Variants in FAM13A observed in about 807,000 individuals in gnomAD.
The protein encoded by FAM13A is family with sequence similarity 13 member A.
Under a neutral mutation model 129.6 loss-of-function variants are expected in FAM13A, and 76 were observed. That is an observed-to-expected ratio of 0.59 (90% CI 0.49 to 0.71). FAM13A has a LOEUF of 0.71. FAM13A is among the 30% of genes least tolerant of loss of function. The probability of loss-of-function intolerance (pLI) is 0.00; values close to 1 mark genes in which losing one functional copy is unlikely to be tolerated. For missense variants in FAM13A, 1,108 were observed against 1,249.3 expected (o/e 0.89, Z 1.70); for synonymous variants, 443 against 449.9 (o/e 0.98, Z 0.20).
At chr4:88,928,872 A>C (rs1456877321) in intron 5 of FAM13A, among the ~76,000 whole-genome samples, 10 of 151,828 alleles carry the variant, frequency 6.6e-5, no homozygotes, top group Non-Finnish European at 1.5e-4. Flanking sequence ...TTGTTTTATA[A>C]ATTCTTTGTT....
chr4:88,900,501 T>G (rs1747112905), intron 6 of FAM13A, among the ~76,000 whole-genome samples: 1 of 151,952 alleles, frequency 6.6e-6, no homozygotes, highest in South Asian at 2.1e-4. Context: ...TTCAACATTC[T>G]TAAAAAAAAG....
At chr4:89,049,785 T>C (rs1359072849) in intron 1 of FAM13A, among the ~76,000 whole-genome samples, 1 of 152,290 alleles carries the variant, frequency 6.6e-6, no homozygotes, top group Non-Finnish European at 1.5e-5. Context: ...GCTTCCCAAG[T>C]AGCTGGACTT....
Position 89,020,460 on chromosome 4 carries a change from C to G in FAM13A, c.427G>C (p.Asp143His), listed in dbSNP as rs1767112564. Residue 143 changes from aspartate to histidine, a missense_variant and splice_region_variant, in exon 3 of 24, where the codon GAT becomes CAT. Transcript: ENST00000264344. ...TCCTAAAAGGATTTATTGTACTAAC[C>G]CTGAAAGAGTTGAATGAATCGAGGC... is the stretch of plus-strand genomic sequence containing the variant. ...LQPRFIQLFQ[D>H]GRNDVQESSL... 1 of 1,611,344 alleles carries G rather than the reference C, an allele frequency of 6.2e-7. No individual in the cohort carries two copies. The highest frequency in any genetic ancestry group is 8.5e-7 in the Non-Finnish European group (1 of 1,177,886).
chr4:89,000,038 C>G (rs1293416187), intron 3 of FAM13A, among the ~76,000 whole-genome samples: 2 of 152,194 alleles, frequency 1.3e-5, no homozygotes, highest in Non-Finnish European at 2.9e-5. Flanking sequence ...TCACCCAGCT[C>G]ACAATTAATT....
At chr4:88,751,157 G>T (rs1208606585) in intron 14 of FAM13A, among the ~76,000 whole-genome samples, 1 of 152,180 alleles carries the variant, frequency 6.6e-6, no homozygotes, top group Non-Finnish European at 1.5e-5. Context: ...CACGAGAATT[G>T]CTTGAACCCA....
At chr4:88,893,469 A>C (rs1455349109) in intron 6 of FAM13A, among the ~76,000 whole-genome samples, 1 of 152,124 alleles carries the variant, frequency 6.6e-6, no homozygotes, top group Non-Finnish European at 1.5e-5. Flanking sequence ...TAAAAATACA[A>C]AAAATTAGCT....
intron 7 of FAM13A, among the ~76,000 whole-genome samples, chr4:88,837,554 A>G (rs1735031824): frequency 6.6e-6 from 1 of 151,356 alleles, no homozygotes; most frequent in African/African-American, 2.4e-5. Flanking sequence ...CGTCTGTACT[A>G]AAAATACAAA....
At chr4:89,006,956 T>G (rs1191273578) in intron 3 of FAM13A, among the ~76,000 whole-genome samples, 3 of 152,156 alleles carry the variant, frequency 2.0e-5, no homozygotes, top group South Asian at 2.1e-4. Flanking sequence ...CCAGCTGAGG[T>G]CTGGGGTTCA....
intron 4 of FAM13A, among the ~76,000 whole-genome samples, chr4:88,981,490 A>C (rs1761660919): frequency 6.6e-6 from 1 of 152,186 alleles, no homozygotes. Context: ...TAAAGTATAA[A>C]ATCTCTCACC....
At chr4:88,731,886 C>T in intron 22 of FAM13A, 116 bp downstream of exon 22, 1 of 821,776 alleles carries the variant, frequency 1.2e-6, no homozygotes, top group Non-Finnish European at 1.9e-6. Flanking sequence ...TCCAGATACA[C>T]CCCAGGTAGT....
At chr4:88,936,410 G>A (rs752175810) in intron 5 of FAM13A, 1 of 152,276 alleles carries the variant, frequency 6.6e-6, no homozygotes, top group Admixed American at 6.5e-5. Flanking sequence ...ATCACATGGC[G>A]AGAGTGGGAG....
Position 88,920,206 on chromosome 4 carries a change from C to T in FAM13A, c.760-13744G>A, listed in dbSNP as rs538053597. Among the ~76,000 whole-genome samples the T allele has an allele frequency of 1.3e-3, 200 of 152,276 alleles. 2 individuals are homozygous for T. The highest frequency in any genetic ancestry group is 4.3e-3 in the African/African-American group (178 of 41,562). On this transcript the variant is annotated intron_variant, in intron 5 of 23. Transcript: ENST00000264344. ...GCTTTGAAGAGAGCAGTGGTTCTCC[C>T]AGCACGGAGCTGGAGATCTGAGAAC... is the stretch of plus-strand genomic sequence containing the variant.
chr4:88,886,462 C>T (rs75106620), intron 6 of FAM13A, among the ~76,000 whole-genome samples: 7,317 of 151,802 alleles, frequency 0.048, 388 homozygotes, highest in East Asian at 0.26. Flanking sequence ...GTGGCATGCA[C>T]CTGTAGTCCC....
At chr4:88,904,422 G>A (rs972914244) in intron 6 of FAM13A, among the ~76,000 whole-genome samples, 2 of 152,084 alleles carry the variant, frequency 1.3e-5, no homozygotes, top group Admixed American at 1.3e-4. Context: ...ATACACCATG[G>A]AATACTATGC....
chr4:89,037,917 T>C (rs557325419), intron 1 of FAM13A, among the ~76,000 whole-genome samples: 88 of 152,320 alleles, frequency 5.8e-4, no homozygotes, highest in Middle Eastern at 3.4e-3. Flanking sequence ...CACAATTCCT[T>C]ACAGCCTGTG....
At chr4:88,949,295 C>T (rs1756524139) in intron 4 of FAM13A, among the ~76,000 whole-genome samples, 1 of 152,102 alleles carries the variant, frequency 6.6e-6, no homozygotes, top group Non-Finnish European at 1.5e-5. Context: ...ATTGTTCACC[C>T]AAGCCCGAAT....
intron 6 of FAM13A, among the ~76,000 whole-genome samples, chr4:88,878,151 G>T (rs1238708267): frequency 6.6e-6 from 1 of 151,894 alleles, no homozygotes; most frequent in African/African-American, 2.4e-5. Flanking sequence ...TTAGCCAGGC[G>T]TGGTGGCGGG....
intron 7 of FAM13A, among the ~76,000 whole-genome samples, chr4:88,817,238 T>C (rs1242900102): frequency 6.6e-6 from 1 of 152,214 alleles, no homozygotes; most frequent in Non-Finnish European, 1.5e-5. Flanking sequence ...TTGTATGATA[T>C]GTGAATTATA....
chr4:88,962,878 TA>T (rs749856633), intron 4 of FAM13A, among the ~76,000 whole-genome samples: 1 of 152,176 alleles, frequency 6.6e-6, no homozygotes, highest in Non-Finnish European at 1.5e-5. Flanking sequence ...GTATAAAGAT[TA>T]ACGTTAGTTG....
Sources: allele counts gnomAD v4.1 joint callset (sites outside exome capture counted in the v4.1 genomes callset), GRCh38; gene constraint gnomAD v4.1.1; transcripts MANE v1.5; gene names NCBI Gene and HGNC (gene_info 2026-07-23, HGNC 2026-07-21).